NALF1: variants seen among roughly 807,000 people sequenced by gnomAD.
NALF1 encodes NALCN channel auxiliary factor 1, also known as family with sequence similarity 155 member A.
A neutral mutation model predicts 48.4 loss-of-function variants in NALF1; 3 were observed. The ratio of observed to expected loss-of-function variants is 0.06; its 90% CI spans 0.03 to 0.16. The LOEUF (loss-of-function observed/expected upper bound fraction) is 0.16, where lower values mean the gene tolerates loss of function less well. NALF1 is among the 10% of genes least tolerant of loss of function. NALF1 has a pLI of 1.00. For synonymous variants in NALF1, 262 were observed against 245.7 expected (o/e 1.07, Z -0.62); for missense variants, 526 against 571.5 (o/e 0.92, Z 0.81).
intron 1 of NALF1, among the ~76,000 whole-genome samples, chr13:107,847,958 C>A (rs747407291): frequency 2.6e-5 from 4 of 152,196 alleles, no homozygotes; most frequent in Non-Finnish European, 5.9e-5. Context: ...TCACTTTGAT[C>A]TAAACTTTAA....
intron 1 of NALF1, among the ~76,000 whole-genome samples, chr13:107,438,850 AAGAAT>A (rs1566342626): frequency 2.0e-5 from 3 of 148,068 alleles, no homozygotes; most frequent in Non-Finnish European, 3.0e-5. Context: ...AAAAAAAAAA[AAGAAT>A]AATATAAAGG....
intron 1 of NALF1, among the ~76,000 whole-genome samples, chr13:107,246,184 A>T (rs1266406274): frequency 6.6e-6 from 1 of 152,162 alleles, no homozygotes; most frequent in African/African-American, 2.4e-5. Context: ...ATTTTCTTAC[A>T]AATTTTCAGG....
chr13:107,400,681 G>A (rs917400506), intron 1 of NALF1, among the ~76,000 whole-genome samples: 1 of 151,744 alleles, frequency 6.6e-6, no homozygotes, highest in African/African-American at 2.4e-5. Context: ...TCCAGCCTGG[G>A]TGACAGAGCG....
chr13:107,823,977 GTTATTATTA>G (rs138189827), intron 1 of NALF1, among the ~76,000 whole-genome samples: 35 of 148,838 alleles, frequency 2.4e-4, no homozygotes, highest in Non-Finnish European at 4.0e-4. Context: ...TACCATTGCT[GTTATTATTA>G]TTATTATTAT....
At chr13:107,192,193 A>G (rs1441806928) in intron 2 of NALF1, among the ~76,000 whole-genome samples, 1 of 152,166 alleles carries the variant, frequency 6.6e-6, no homozygotes, top group African/African-American at 2.4e-5. Flanking sequence ...TTTTACTTAT[A>G]AAAAGGAAAT....
At position 107,233,783 on chromosome 13, in the gene NALF1, T is replaced by C. The variant is rs1307555611; in HGVS notation, c.916-23028A>G. ...CTGAACAACTACATTTACCACACAA[T>C]GCCACAGCGAGAGCGTGAGGGAGAG... On this transcript the variant is annotated intron_variant, in intron 1 of 2. Coordinates refer to ENST00000375915, the MANE Select transcript of NALF1 (RefSeq NM_001080396.3). 2.0e-5 allele frequency among the ~76,000 whole-genome samples: 3 copies of C among 152,144 alleles called. No individual in the cohort carries two copies. The East Asian group carries it at 5.8e-4, about 29-fold the overall frequency.
Position 107,534,568 on chromosome 13 carries a change from ATTAC to A in NALF1, c.916-323817_916-323814del, listed in dbSNP as rs565082705. 2.6e-5 allele frequency among the ~76,000 whole-genome samples: 4 copies of A among 152,290 alleles called. No homozygotes were observed. In the East Asian group the frequency reaches 7.7e-4, roughly 29 times the overall value. On this transcript the variant is annotated intron_variant, in intron 1 of 2. Transcript: ENST00000375915. Reference sequence around the variant, plus strand: ...AGTGGTTTGCTGAACAGATCAACATATTACTTAAGTATTAAGCCTGGAATGTTAA... The same window carrying A: ...AGTGGTTTGCTGAACAGATCAACATATTAAGTATTAAGCCTGGAATGTTAA...
chr13:107,522,172 A>G (rs1480703534), intron 1 of NALF1, among the ~76,000 whole-genome samples: 1 of 152,136 alleles, frequency 6.6e-6, no homozygotes. Context: ...GTTGACCACA[A>G]AGAAAAACCT....
At chr13:107,462,310 A>G (rs1226503727) in intron 1 of NALF1, among the ~76,000 whole-genome samples, 1 of 150,580 alleles carries the variant, frequency 6.6e-6, no homozygotes, top group Admixed American at 6.6e-5. Context: ...AAATGAAAGA[A>G]AAAAAAATAA....
chr13:107,619,971 G>A (rs966113160), intron 1 of NALF1, among the ~76,000 whole-genome samples: 1 of 152,142 alleles, frequency 6.6e-6, no homozygotes, highest in Admixed American at 6.5e-5. Context: ...GATTAGGAGT[G>A]GAAAGAAACA....
intron 1 of NALF1, among the ~76,000 whole-genome samples, chr13:107,244,316 ATAGAG>A (rs1383125727): frequency 2.6e-5 from 4 of 152,324 alleles, no homozygotes; most frequent in South Asian, 2.1e-4. Flanking sequence ...CACACCATTG[ATAGAG>A]TATGTGCTGT....
intron 1 of NALF1, among the ~76,000 whole-genome samples, chr13:107,615,268 C>A (rs931667055): frequency 6.6e-6 from 1 of 152,168 alleles, no homozygotes; most frequent in African/African-American, 2.4e-5. Context: ...TATAATGTCA[C>A]AGTCCTTTGT....
intron 1 of NALF1, among the ~76,000 whole-genome samples, chr13:107,348,058 C>T (rs1019496190): frequency 1.3e-5 from 2 of 152,216 alleles, no homozygotes; most frequent in Non-Finnish European, 1.5e-5. Flanking sequence ...TAGTTCAGAA[C>T]ATGCTGGTTA....
intron 1 of NALF1, among the ~76,000 whole-genome samples, chr13:107,731,638 G>T (rs1320401127): frequency 6.6e-6 from 1 of 152,116 alleles, no homozygotes; most frequent in Non-Finnish European, 1.5e-5. Flanking sequence ...CCACTTATAA[G>T]TGAGAACAGG....
chr13:107,224,185 A>T (rs1880053762), intron 1 of NALF1, among the ~76,000 whole-genome samples: 1 of 151,928 alleles, frequency 6.6e-6, no homozygotes, highest in Middle Eastern at 3.2e-3. Flanking sequence ...ATATATTTGG[A>T]ATTAAATGGC....
intron 1 of NALF1, among the ~76,000 whole-genome samples, chr13:107,369,240 A>T (rs992948946): frequency 1.3e-5 from 2 of 152,162 alleles, no homozygotes; most frequent in African/African-American, 4.8e-5. Context: ...ATCCATCTCT[A>T]TATTTATGTT....
intron 1 of NALF1, among the ~76,000 whole-genome samples, chr13:107,688,485 A>ATAGCTGGTTTTGAACAG (rs1484336830): frequency 6.6e-6 from 1 of 152,260 alleles, no homozygotes; most frequent in Non-Finnish European, 1.5e-5. Flanking sequence ...ATAGAAAAAT[A>ATAGCTGGTTTTGAACAG]TATAACTATG....
chr13:107,296,310 T>C (rs933485996), intron 1 of NALF1, among the ~76,000 whole-genome samples: 9 of 152,204 alleles, frequency 5.9e-5, no homozygotes, highest in Non-Finnish European at 1.2e-4. Flanking sequence ...GAATAATAAC[T>C]AGAAGAAGAT....
intron 1 of NALF1, among the ~76,000 whole-genome samples, chr13:107,458,580 C>A (rs1884864532): frequency 6.6e-6 from 1 of 152,172 alleles, no homozygotes; most frequent in African/African-American, 2.4e-5. Flanking sequence ...GAGAGAGAAG[C>A]AGGCGAGCAC....
Sources: gnomAD v4.1 joint callset for allele counts (sites outside exome capture counted in the v4.1 genomes callset) on GRCh38, gnomAD v4.1.1 for gene constraint, MANE v1.5 for transcripts, NCBI Gene and HGNC (gene_info 2026-07-23, HGNC 2026-07-21) for gene names.